The following YIPF7 variants were observed in gnomAD, a reference collection of about 807,000 sequenced individuals.
The protein encoded by YIPF7 is protein YIPF7.
Under a neutral mutation model 27.2 loss-of-function variants are expected in YIPF7, and 35 were observed. That is an observed-to-expected ratio of 1.29 (90% CI 0.98 to 1.70). The LOEUF (loss-of-function observed/expected upper bound fraction) is 1.70. Among genes scored for constraint, YIPF7 ranks in the 40% most tolerant of loss-of-function variants. The probability of loss-of-function intolerance (pLI) is 0.00; values close to 1 mark genes in which losing one functional copy is unlikely to be tolerated. For synonymous variants in YIPF7, 137 were observed against 110.4 expected, an observed-to-expected ratio of 1.24 and a Z score of -1.51; for missense variants, 358 against 303.7, an observed-to-expected ratio of 1.18 and a Z score of -1.33.
At chr4:44,623,719 T>G (rs1712521298) in intron 5 of YIPF7, among the ~76,000 whole-genome samples, 1 of 152,308 alleles carries the variant, frequency 6.6e-6, no homozygotes, top group South Asian at 2.1e-4. Context: ...GTATTCTTAG[T>G]AATGGTCTTG....
chr4:44,652,548 C>T (rs1029173233), upstream of YIPF7, among the ~76,000 whole-genome samples: 7 of 152,308 alleles, frequency 4.6e-5, no homozygotes, highest in African/African-American at 1.7e-4. Context: ...TAATTTTTTT[C>T]CACATTGTTT....
intron 2 of YIPF7, among the ~76,000 whole-genome samples, chr4:44,641,561 C>A (rs1450867882): frequency 1.3e-5 from 2 of 152,150 alleles, no homozygotes; most frequent in Non-Finnish European, 2.9e-5. Flanking sequence ...AGGTTCTGAA[C>A]TTGGTAACTC....
chr4:44,622,800 GA>G (rs1181463688), intron 5 of YIPF7, among the ~76,000 whole-genome samples: 2 of 152,034 alleles, frequency 1.3e-5, no homozygotes, highest in South Asian at 4.1e-4. Flanking sequence ...ACCTGAATTA[GA>G]AAAAAACAGT....
At chr4:44,632,974 G>A (rs561229920) in intron 3 of YIPF7, among the ~76,000 whole-genome samples, 1 of 148,200 alleles carries the variant, frequency 6.7e-6, no homozygotes, top group South Asian at 2.2e-4. Flanking sequence ...TGAGCAGTGG[G>A]CAGTGGGCGA....
chr4:44,661,763 T>C (rs927326034), intron 1 of YIPF7, among the ~76,000 whole-genome samples: 1 of 152,198 alleles, frequency 6.6e-6, no homozygotes, highest in African/African-American at 2.4e-5. Flanking sequence ...AAATGTACAT[T>C]CAACCAAAAG....
chr4:44,633,400 C>T (rs60485871), intron 3 of YIPF7, among the ~76,000 whole-genome samples: 13,037 of 152,128 alleles, frequency 0.086, 604 homozygotes, highest in Admixed American at 0.11. Context: ...GAAAAGATTA[C>T]TTTCAACAAA....
intron 4 of YIPF7, among the ~76,000 whole-genome samples, chr4:44,628,381 T>C (rs540469047): frequency 7.5e-5 from 11 of 146,898 alleles, no homozygotes; most frequent in African/African-American, 2.7e-4. Flanking sequence ...TGCAAATGCA[T>C]TTTACAACTA....
intron 2 of YIPF7, among the ~76,000 whole-genome samples, chr4:44,639,889 T>A (rs897436657): frequency 6.6e-6 from 1 of 152,206 alleles, no homozygotes; most frequent in African/African-American, 2.4e-5. Context: ...TTGTTGAGGG[T>A]TTTTATTATG....
intron 4 of YIPF7, chr4:44,629,151 CA>C: frequency 6.2e-6 from 2 of 323,416 alleles, no homozygotes; most frequent in Non-Finnish European, 1.1e-5. Flanking sequence ...TTCTTAATAA[CA>C]AAAAAGACAT....
At chr4:44,653,981 TG>T (rs948358105), upstream of YIPF7, among the ~76,000 whole-genome samples, 1 of 152,090 alleles carries the variant, frequency 6.6e-6, no homozygotes, top group African/African-American at 2.4e-5. Context: ...CATAAAAACC[TG>T]GCTCGATTAA....
rs1022793585 is a variant in YIPF7 at position 44,622,423 on chromosome 4, T to C, written c.762A>G (p.Thr254=). Residue 254 remains threonine, a synonymous_variant, in exon 6 of 6, where the codon ACA becomes ACG. Transcript: ENST00000415895. The stretch of plus-strand genomic sequence containing the variant: ...CCATCTCAAACATTCTTTAGAAAAT[T>C]GTTAGGAGGGCAAAAAGTCCATAAA... ...AILYGLFALL[T]IF is the part of the protein sequence containing the mutation. 5.0e-6 allele frequency: 8 copies of C among 1,611,828 alleles called. No homozygotes were observed. In the Admixed American group the frequency reaches 1.2e-4, roughly 24 times the overall value.
chr4:44,644,762 A>G (rs755084479), intron 2 of YIPF7, among the ~76,000 whole-genome samples: 2 of 152,104 alleles, frequency 1.3e-5, no homozygotes, highest in Non-Finnish European at 2.9e-5. Flanking sequence ...GTACAAGGAT[A>G]TGGTCTGGAT....
Position 44,624,663 on chromosome 4 carries a change from C to T in YIPF7, c.546G>A (p.Val182=), listed in dbSNP as rs1043766788. The change falls in exon 5 of 6, where the codon GTG becomes GTA. Residue 182 remains valine (V), a synonymous_variant. Transcript: ENST00000415895. ...SGVSYGCVAS[V]LGYCLLPMVI... ...CCATGGGGAGCAGGCAGTAACCCAG[C>T]ACGCTGGCCACACAGCCGTACGACA... 1 of 1,604,978 alleles carries T rather than the reference C, an allele frequency of 6.2e-7. No individual in the cohort carries two copies. Among genetic ancestry groups the T allele is most frequent in the African/African-American group, 1.3e-5 (1 of 74,748 alleles).
At chr4:44,636,435 C>T (rs1189598919) in intron 2 of YIPF7, among the ~76,000 whole-genome samples, 1 of 152,100 alleles carries the variant, frequency 6.6e-6, no homozygotes, top group Non-Finnish European at 1.5e-5. Context: ...ACGACTTGTC[C>T]AGTAACACAA....
At chr4:44,642,095 C>G (rs1713345811) in intron 2 of YIPF7, among the ~76,000 whole-genome samples, 1 of 152,094 alleles carries the variant, frequency 6.6e-6, no homozygotes, top group African/African-American at 2.4e-5. Context: ...CTGGCCTCAC[C>G]ATAACTCATG....
At chr4:44,649,932 T>G (rs1428454255) in intron 2 of YIPF7, 53 bp downstream of exon 2, 3 of 925,978 alleles carry the variant, frequency 3.2e-6, no homozygotes, top group Non-Finnish European at 4.9e-6. Context: ...AATATGTGGG[T>G]GACAGAGTGA....
At chr4:44,633,861 A>G (rs1224915158) in intron 3 of YIPF7, among the ~76,000 whole-genome samples, 1 of 152,242 alleles carries the variant, frequency 6.6e-6, no homozygotes, top group Non-Finnish European at 1.5e-5. Context: ...ATAAAAAGTC[A>G]ATACATATAT....
At chr4:44,628,402 T>C (rs886508435) in intron 4 of YIPF7, among the ~76,000 whole-genome samples, 4 of 152,120 alleles carry the variant, frequency 2.6e-5, no homozygotes, top group African/African-American at 9.7e-5. Context: ...CTTTTGAAAA[T>C]TGTATATCCA....
At chr4:44,625,438 A>T (rs1381733194) in intron 4 of YIPF7, among the ~76,000 whole-genome samples, 1 of 152,190 alleles carries the variant, frequency 6.6e-6, no homozygotes, top group Non-Finnish European at 1.5e-5. Flanking sequence ...AACTCTTACA[A>T]GTCCTATCCC....
Sources: allele counts gnomAD v4.1 joint callset (sites outside exome capture counted in the v4.1 genomes callset), GRCh38; gene constraint gnomAD v4.1.1; transcripts MANE v1.5; gene names NCBI Gene and HGNC (gene_info 2026-07-23, HGNC 2026-07-21).